The following LANCL1 variants were observed in gnomAD, a reference collection of about 807,000 sequenced individuals.
The protein encoded by LANCL1 is LanC like glutathione S-transferase 1, also known as glutathione S-transferase LANCL1.
LANCL1 carries 50 observed loss-of-function variants against 50.6 expected under a neutral mutation model. That is an observed-to-expected ratio of 0.99 (90% CI 0.79 to 1.25). The LOEUF (loss-of-function observed/expected upper bound fraction) is 1.25, where lower values mean the gene tolerates loss of function less well. LANCL1 is among the 50% of genes most tolerant of loss of function. The pLI is 0.00. For synonymous variants in LANCL1, 188 were observed against 178.6 expected (o/e 1.05, Z -0.42); for missense variants, 532 against 480.7 (o/e 1.11, Z -1.00).
At chr2:210,472,687 T>C (rs1405509734) in intron 2 of LANCL1, among the ~76,000 whole-genome samples, 3 of 152,218 alleles carry the variant, frequency 2.0e-5, no homozygotes, top group Non-Finnish European at 4.4e-5. Flanking sequence ...TGAGCCTGTC[T>C]ACATCCTTAC....
intron 4 of LANCL1, among the ~76,000 whole-genome samples, chr2:210,443,174 G>A (rs3770697): frequency 6.6e-6 from 1 of 152,210 alleles, no homozygotes; most frequent in Non-Finnish European, 1.5e-5. Flanking sequence ...GCAAGTAGGG[G>A]AGAAGATCAC....
intron 8 of LANCL1, among the ~76,000 whole-genome samples, chr2:210,436,000 C>A (rs1434881452): frequency 7.1e-6 from 1 of 141,520 alleles, no homozygotes; most frequent in Non-Finnish European, 1.5e-5. Context: ...CTCCCGGGTT[C>A]AAGTGATTCT....
rs539188556 is a variant in LANCL1 at position 210,461,942 on chromosome 2, A to G, written c.200-6628T>C. Among the ~76,000 whole-genome samples, 7 of 152,354 alleles carry G rather than the reference A, an allele frequency of 4.6e-5. No homozygotes were observed. In the East Asian group the frequency reaches 1.3e-3, roughly 29 times the overall value. ...CAAGGGAAGGAATCTTTTTGATTAAATGTTTATTTCTAACACAAGAACACC... is the reference window on the plus strand; with the variant it reads ...CAAGGGAAGGAATCTTTTTGATTAAGTGTTTATTTCTAACACAAGAACACC... On this transcript the variant is annotated intron_variant, in intron 3 of 9. Transcript: ENST00000450366.
At chr2:210,461,548 T>G (rs1242029191) in intron 3 of LANCL1, among the ~76,000 whole-genome samples, 2 of 152,208 alleles carry the variant, frequency 1.3e-5, no homozygotes, top group Non-Finnish European at 2.9e-5. Context: ...AACAGCATCT[T>G]GAAACACTAT....
chr2:210,461,488 C>T (rs1292767348), intron 3 of LANCL1, among the ~76,000 whole-genome samples: 3 of 152,080 alleles, frequency 2.0e-5, no homozygotes, highest in Non-Finnish European at 4.4e-5. Flanking sequence ...TAACTAATAC[C>T]CACATGTGAA....
intron 6 of LANCL1, among the ~76,000 whole-genome samples, chr2:210,439,895 A>G (rs1693071654): frequency 6.6e-6 from 1 of 152,078 alleles, no homozygotes; most frequent in African/African-American, 2.4e-5. Flanking sequence ...TTAAAAATCA[A>G]TTTTCTTTGC....
intron 4 of LANCL1, among the ~76,000 whole-genome samples, chr2:210,447,886 G>C (rs892408162): frequency 3.3e-5 from 5 of 152,124 alleles, no homozygotes; most frequent in African/African-American, 7.2e-5. Flanking sequence ...AAGAGACTTA[G>C]ACTCCCACAC....
chr2:210,453,283 T>C (rs1433061528), intron 4 of LANCL1, among the ~76,000 whole-genome samples: 3 of 152,204 alleles, frequency 2.0e-5, no homozygotes, highest in African/African-American at 7.2e-5. Context: ...AGCATTTTAA[T>C]ACACTAATAT....
At chr2:210,462,199 C>T (rs1047779103) in intron 3 of LANCL1, among the ~76,000 whole-genome samples, 5 of 152,122 alleles carry the variant, frequency 3.3e-5, no homozygotes, top group African/African-American at 1.2e-4. Context: ...TCTTAAGGGG[C>T]CTCCAGGCTT....
At chr2:210,453,994 G>A (rs1241383344) in intron 4 of LANCL1, among the ~76,000 whole-genome samples, 1 of 152,152 alleles carries the variant, frequency 6.6e-6, no homozygotes, top group East Asian at 1.9e-4. Flanking sequence ...ACTATGTAAT[G>A]TCTAGCCCCT....
At chr2:210,469,349 C>G (rs3770688) in intron 3 of LANCL1, 6 of 152,038 alleles carry the variant, frequency 3.9e-5, no homozygotes, top group Non-Finnish European at 8.8e-5. Context: ...CAGAGCTTTA[C>G]GTTATTTAGA....
At position 210,476,425 on chromosome 2, in the gene LANCL1, G is replaced by A. The variant is rs1165453085; in HGVS notation, c.-16-13C>T. 11 of 1,609,274 alleles carry A rather than the reference G, an allele frequency of 6.8e-6. No individual in the cohort carries two copies. Among genetic ancestry groups the A allele is most frequent in the South Asian group, 1.1e-5 (1 of 90,434 alleles). On this transcript the variant is annotated splice_polypyrimidine_tract_variant and intron_variant, in intron 1 of 9. Coordinates refer to ENST00000450366, the MANE Select transcript of LANCL1 (RefSeq NM_006055.3). ...GCCGGAAGCAAGCCTGCAGAACAGG[G>A]GAAAAACAGAAACTAGGTTGAGATA...
At chr2:210,459,433 A>C (rs1693774535) in intron 3 of LANCL1, among the ~76,000 whole-genome samples, 1 of 152,190 alleles carries the variant, frequency 6.6e-6, no homozygotes, top group Non-Finnish European at 1.5e-5. Flanking sequence ...CTAGAAGTGC[A>C]GTGTCCAGTA....
In LANCL1 at chr2:210,446,803, G is replaced by C. The variant is rs561834081; in HGVS notation, c.408-5360C>G. The stretch of plus-strand genomic sequence containing the variant: ...GAAATAAAGCATGAAGACAAGGTTA[G>C]AGAAAAAAGAATAAAAAGGAACGAA... On this transcript the variant is annotated intron_variant, in intron 4 of 9. Coordinates refer to ENST00000450366, the MANE Select transcript of LANCL1 (RefSeq NM_006055.3). Among the ~76,000 whole-genome samples, 137 of 152,122 alleles carry C rather than the reference G, an allele frequency of 9.0e-4. 1 individual carries two copies. The highest frequency in any genetic ancestry group is 1.6e-3 in the Non-Finnish European group (112 of 68,002).
At chr2:210,469,514 TTTACG>T (rs1694162084) in intron 3 of LANCL1, among the ~76,000 whole-genome samples, 2 of 152,166 alleles carry the variant, frequency 1.3e-5, no homozygotes, top group Admixed American at 6.5e-5. Context: ...TCTAGAAGAT[TTTACG>T]TTACATCTTA....
At chr2:210,469,015 T>TA (rs1694150835) in intron 3 of LANCL1, 1 of 152,186 alleles carries the variant, frequency 6.6e-6, no homozygotes, top group African/African-American at 2.4e-5. Flanking sequence ...AATAAGATGT[T>TA]AAAGTTCTAA....
upstream of LANCL1, among the ~76,000 whole-genome samples, chr2:210,477,010 T>C (rs1003839506): frequency 2.6e-5 from 4 of 152,136 alleles, no homozygotes; most frequent in African/African-American, 9.7e-5. Context: ...AGTATATATT[T>C]TTTTAACCTG....
intron 4 of LANCL1, among the ~76,000 whole-genome samples, chr2:210,453,668 G>A (rs559930757): frequency 3.3e-5 from 5 of 152,196 alleles, no homozygotes; most frequent in East Asian, 1.9e-4. Flanking sequence ...TTCACTGAAT[G>A]AGAGTATCTT....
intron 4 of LANCL1, among the ~76,000 whole-genome samples, chr2:210,454,379 C>T (rs1048422678): frequency 1.3e-5 from 2 of 152,076 alleles, no homozygotes; most frequent in Non-Finnish European, 2.9e-5. Context: ...GATTAGCCAA[C>T]GGATCCTAGA....
Sources: allele counts gnomAD v4.1 joint callset (sites outside exome capture counted in the v4.1 genomes callset), GRCh38; gene constraint gnomAD v4.1.1; transcripts MANE v1.5; gene names NCBI Gene and HGNC (gene_info 2026-07-23, HGNC 2026-07-21).